The following DGKB variants were observed in gnomAD, a reference collection of about 807,000 sequenced individuals.
DGKB encodes 90 kDa diacylglycerol kinase.
DGKB carries 67 observed loss-of-function variants against 114.3 expected under a neutral mutation model. That is an observed-to-expected ratio of 0.59 (90% CI 0.48 to 0.72). DGKB has a LOEUF of 0.72. Among genes scored for constraint, DGKB ranks in the 30% least tolerant of loss-of-function variants. The pLI is 0.00. For missense variants in DGKB, 907 were observed against 975.2 expected (o/e 0.93, Z 0.93); for synonymous variants, 398 against 323.1 (o/e 1.23, Z -2.49).
At position 14,865,903 on chromosome 7, in the gene DGKB, C is replaced by G. The variant is rs544770583; in HGVS notation, c.-187-24453G>C. Reference sequence around the variant, plus strand: ...AAATGTACTTGAGAAAAAGTAAAACCTAAAGAGACCACTTAAAATATAACT... The same window carrying G: ...AAATGTACTTGAGAAAAAGTAAAACGTAAAGAGACCACTTAAAATATAACT... On this transcript the variant is annotated intron_variant, in intron 1 of 25. Coordinates refer to ENST00000402815, the MANE Select transcript of DGKB (RefSeq NM_001350709.2). 2.1e-3 allele frequency among the ~76,000 whole-genome samples: 325 copies of G among 152,122 alleles called. 2 individuals carry two copies. The highest frequency in any genetic ancestry group is 7.5e-3 in the African/African-American group (311 of 41,488).
At chr7:14,596,826 T>A (rs1802665264) in intron 17 of DGKB, among the ~76,000 whole-genome samples, 1 of 152,216 alleles carries the variant, frequency 6.6e-6, no homozygotes, top group Admixed American at 6.5e-5. Context: ...TATATTTGCC[T>A]CTCTATGCAT....
At chr7:14,601,996 A>C (rs1369344746) in intron 17 of DGKB, among the ~76,000 whole-genome samples, 4 of 146,510 alleles carry the variant, frequency 2.7e-5, no homozygotes, top group East Asian at 2.0e-4. Flanking sequence ...CCTCCTCCTC[A>C]TCCTCCATAT....
intron 4 of DGKB, among the ~76,000 whole-genome samples, chr7:14,742,030 C>T (rs532729266): frequency 1.1e-4 from 16 of 152,266 alleles, no homozygotes; most frequent in African/African-American, 3.6e-4. Flanking sequence ...TTAATGAACT[C>T]ATGAGAGACC....
At chr7:14,857,206 GTC>G (rs36093995) in intron 1 of DGKB, among the ~76,000 whole-genome samples, 73,605 of 145,634 alleles carry the variant, frequency 0.51, 20,084 homozygotes, top group East Asian at 0.91. Context: ...CTCTCTCTCT[GTC>G]TCTCTCTCTC....
At chr7:14,746,085 G>T (rs1833243228) in intron 4 of DGKB, among the ~76,000 whole-genome samples, 1 of 152,178 alleles carries the variant, frequency 6.6e-6, no homozygotes, top group African/African-American at 2.4e-5. Flanking sequence ...GCTAGCTCAT[G>T]CCTGGCACTT....
intron 23 of DGKB, among the ~76,000 whole-genome samples, chr7:14,259,374 A>G (rs1796401364): frequency 6.9e-6 from 1 of 145,002 alleles, no homozygotes; most frequent in South Asian, 2.2e-4. Context: ...CTCATCTAGT[A>G]AAGTTTCTCT....
chr7:14,375,797 G>A (rs540633359), intron 21 of DGKB, among the ~76,000 whole-genome samples: 2 of 152,160 alleles, frequency 1.3e-5, no homozygotes, highest in African/African-American at 2.4e-5. Context: ...GAAGTTCTTC[G>A]AGGGCAGTGA....
intron 13 of DGKB, among the ~76,000 whole-genome samples, chr7:14,634,487 C>CACAA (rs1326841726): frequency 5.1e-5 from 7 of 138,014 alleles, no homozygotes; most frequent in Non-Finnish European, 9.1e-5. Context: ...GTGATACACA[C>CACAA]ACACACACAC....
At chr7:14,446,251 A>C (rs1428620766) in intron 21 of DGKB, among the ~76,000 whole-genome samples, 1 of 152,148 alleles carries the variant, frequency 6.6e-6, no homozygotes, top group Non-Finnish European at 1.5e-5. Context: ...GCAGCTACTT[A>C]ACCAATGTTT....
intron 2 of DGKB, among the ~76,000 whole-genome samples, chr7:14,795,687 G>A (rs191677175): frequency 2.0e-5 from 3 of 152,056 alleles, no homozygotes; most frequent in Non-Finnish European, 2.9e-5. Context: ...ACAAGGTAGA[G>A]CTGGTTACCT....
chr7:14,365,686 C>T lies in DGKB; in HGVS notation c.1836-20295G>A, dbSNP rs557319888. On this transcript the variant is annotated intron_variant, in intron 21 of 25. Transcript: ENST00000402815. ...AACCTAAGTTCTATACCATGCCACA[C>T]TTCACTTAGCCTCATTATTCTCTAC... Among the ~76,000 whole-genome samples, 136 of 152,138 alleles carry T rather than the reference C, an allele frequency of 8.9e-4. 1 individual carries two copies. The highest frequency in any genetic ancestry group is 1.7e-3 in the Non-Finnish European group (116 of 67,968).
chr7:14,231,697 T>A (rs556399638), intron 23 of DGKB, among the ~76,000 whole-genome samples: 1 of 151,838 alleles, frequency 6.6e-6, no homozygotes, highest in Non-Finnish European at 1.5e-5. Context: ...TTTTCTGCTA[T>A]ACAGAAAAAA....
chr7:14,360,481 C>A (rs1051449325), intron 21 of DGKB, among the ~76,000 whole-genome samples: 2 of 150,510 alleles, frequency 1.3e-5, no homozygotes, highest in East Asian at 1.9e-4. Context: ...ATATAAAGCT[C>A]ATTAGTTTTA....
At chr7:14,317,283 A>G (rs1205682485) in intron 23 of DGKB, among the ~76,000 whole-genome samples, 1 of 97,876 alleles carries the variant, frequency 1.0e-5, no homozygotes, top group African/African-American at 4.2e-5. Flanking sequence ...AGTTCTGGCC[A>G]GGGCAATTAG....
chr7:14,535,801 G>A (rs1792383876), intron 20 of DGKB, among the ~76,000 whole-genome samples: 1 of 151,940 alleles, frequency 6.6e-6, no homozygotes, highest in South Asian at 2.1e-4. Context: ...TTGGCAGGAT[G>A]GTCTCGAACT....
chr7:14,793,857 T>C (rs934513628), intron 2 of DGKB, among the ~76,000 whole-genome samples: 2 of 152,054 alleles, frequency 1.3e-5, no homozygotes, highest in African/African-American at 2.4e-5. Flanking sequence ...ATAAAGTAGA[T>C]TGCCACCCCA....
At chr7:14,730,595 T>C (rs1830762365) in intron 5 of DGKB, among the ~76,000 whole-genome samples, 1 of 152,110 alleles carries the variant, frequency 6.6e-6, no homozygotes, top group Non-Finnish European at 1.5e-5. Context: ...GGCAGGGAGA[T>C]GGAGCGAATA....
intron 14 of DGKB, among the ~76,000 whole-genome samples, chr7:14,628,389 T>C (rs1809043806): frequency 6.6e-6 from 1 of 151,810 alleles, no homozygotes; most frequent in South Asian, 2.1e-4. Context: ...TGGGTATTAA[T>C]AATAAAAATA....
rs142690493 is a variant in DGKB, at chr7:14,400,859, C to T, written c.1836-55468G>A. Among the ~76,000 whole-genome samples the T allele has an allele frequency of 4.9e-3, 749 of 151,788 alleles. 6 individuals carry two copies. Among genetic ancestry groups the T allele is most frequent in the African/African-American group, 0.017 (686 of 41,448 alleles). On this transcript the variant is annotated intron_variant, in intron 21 of 25. Transcript: ENST00000402815. ...AAGAGGGAGAGACCTCTTAGATATA[C>T]CCTTGAAAACATAGTCAAGTTTAAG...
Sources: allele counts gnomAD v4.1 joint callset (sites outside exome capture counted in the v4.1 genomes callset), GRCh38; gene constraint gnomAD v4.1.1; transcripts MANE v1.5; gene names NCBI Gene and HGNC (gene_info 2026-07-23, HGNC 2026-07-21).